ZNF85: variants seen among roughly 807,000 people sequenced by gnomAD.
The protein encoded by ZNF85 is zinc finger protein 85 (HPF4, HTF1).
Under a neutral mutation model 53.9 loss-of-function variants are expected in ZNF85, and 50 were observed. The observed-to-expected ratio is 0.93, with a 90% confidence interval of 0.74 to 1.17. ZNF85 has a LOEUF of 1.17. Among genes scored for constraint, ZNF85 ranks in the 50% most tolerant of loss-of-function variants. The pLI, the probability that ZNF85 is intolerant of heterozygous loss-of-function variation, is 0.00. For synonymous variants in ZNF85, 225 were observed against 226.1 expected, an observed-to-expected ratio of 1.00 and a Z score of 0.04; for missense variants, 747 against 688.5, an observed-to-expected ratio of 1.08 and a Z score of -0.95.
intron 1 of ZNF85, among the ~76,000 whole-genome samples, chr19:20,925,106 T>G (rs1010683803): frequency 9.2e-5 from 14 of 152,202 alleles, no homozygotes; most frequent in African/African-American, 2.7e-4. Context: ...ACCCAGGGTC[T>G]GAGTGCAGTC....
At position 20,949,366 on chromosome 19, in the gene ZNF85, A is replaced by G. The variant is rs771839532; in HGVS notation, c.852A>G (p.Lys284=). Residue 284 remains lysine, a synonymous_variant, in exon 4 of 4, where the codon AAA becomes AAG. Coordinates refer to ENST00000328178, the MANE Select transcript of ZNF85 (RefSeq NM_003429.5). ...TTHKIIHTGE[K]PYKCKECGKA... ...ATAAGATAATTCATACTGGAGAGAA[A>G]CCCTACAAATGTAAAGAATGTGGTA... 1.9e-5 allele frequency: 31 copies of G among 1,609,480 alleles called. No homozygotes were observed. In the Admixed American group the frequency reaches 2.5e-4, roughly 13 times the overall value.
intron 3 of ZNF85, chr19:20,943,311 C>G (rs1973342929): frequency 6.5e-6 from 1 of 154,690 alleles, no homozygotes; most frequent in Non-Finnish European, 1.4e-5. Flanking sequence ...GGGCAAATTT[C>G]TCATGAATGG....
At chr19:20,933,894 C>G in intron 1 of ZNF85, 130 bp from the exon 2 acceptor site, 1 of 1,012,678 alleles carries the variant, frequency 9.9e-7, no homozygotes, top group East Asian at 2.9e-5. Flanking sequence ...GAAACAGTTA[C>G]CTGTACTCTC....
chr19:20,933,414 T>C (rs1973075150), intron 1 of ZNF85, among the ~76,000 whole-genome samples: 1 of 151,780 alleles, frequency 6.6e-6, no homozygotes, highest in Admixed American at 6.6e-5. Flanking sequence ...AAGTCAAAGC[T>C]CTTATCTTTG....
chr19:20,933,029 C>CAA (rs59744700), intron 1 of ZNF85, among the ~76,000 whole-genome samples: 16,411 of 138,494 alleles, frequency 0.12, 931 homozygotes, highest in Middle Eastern at 0.14. Flanking sequence ...ACTAAAAATA[C>CAA]AAAAAAAAAA....
At chr19:20,932,795 C>G (rs1184299149) in intron 1 of ZNF85, among the ~76,000 whole-genome samples, 1 of 152,054 alleles carries the variant, frequency 6.6e-6, no homozygotes, top group Non-Finnish European at 1.5e-5. Context: ...CTGAACTTTG[C>G]ATAAAACTGA....
intron 1 of ZNF85, 86 bp downstream of exon 1, chr19:20,923,489 C>T: frequency 6.3e-7 from 1 of 1,599,790 alleles, no homozygotes; most frequent in Non-Finnish European, 8.5e-7. Flanking sequence ...TCAGGCCTCC[C>T]TGTAGTCAGC....
chr19:20,949,259 A>C lies in ZNF85; in HGVS notation c.745A>C (p.Lys249Gln), dbSNP rs748936525. The C allele has an allele frequency of 1.6e-5, 26 of 1,612,824 alleles. No homozygotes were observed. Among genetic ancestry groups the C allele is most frequent in the Non-Finnish European group, 2.2e-5 (26 of 1,179,568 alleles). The change falls in exon 4 of 4, where the codon AAG becomes CAG. Residue 249 changes from lysine to glutamine, a missense_variant. Lys to Gln is a moderately conservative substitution (Grantham distance 53, BLOSUM62 1). Coordinates refer to ENST00000328178, the MANE Select transcript of ZNF85 (RefSeq NM_003429.5). ...CCAGTCCTCAAACCTTATTAAACAT[A>C]AGAAAATTCATACTGGAGAGAAACC... ...FNQSSNLIKH[K>Q]KIHTGEKPYK...
chr19:20,950,609 C>T lies in ZNF85; in HGVS notation c.*307C>T, dbSNP rs764955272. ...GAATTTTTAGTTGAGAAAAAGTATA[C>T]AAATATAAAGAATGTGGAAAAGCCG... On this transcript the variant is annotated 3_prime_UTR_variant, in exon 4 of 4. Coordinates refer to ENST00000328178, the MANE Select transcript of ZNF85 (RefSeq NM_003429.5). 1.0e-4 allele frequency: 23 copies of T among 228,810 alleles called. No homozygotes were observed. The highest frequency in any genetic ancestry group is 1.8e-4 in the Non-Finnish European group (21 of 118,806). The allele number at this position is 228,810 out of a possible 1,614,324, so 14.2% of individuals were successfully genotyped here. A position where few individuals can be genotyped will look rare whatever the true frequency, so the allele number is the denominator to read the frequency against.
rs772921814 is a variant in ZNF85 at position 20,949,372 on chromosome 19, C to A, written c.858C>A (p.Tyr286Ter). ...TAATTCATACTGGAGAGAAACCCTACAAATGTAAAGAATGTGGTAAAGCTT... is the reference window on the plus strand; with the variant it reads ...TAATTCATACTGGAGAGAAACCCTAAAAATGTAAAGAATGTGGTAAAGCTT... The part of the protein sequence containing the change: ...HKIIHTGEKP[Y>*]KCKECGKAFN... The change falls in exon 4 of 4, where the codon TAC becomes TAA. Residue 286 changes from tyrosine (Y) to a stop codon, truncating the protein, a stop_gained. Coordinates refer to ENST00000328178, the MANE Select transcript of ZNF85 (RefSeq NM_003429.5). LOFTEE classifies it high-confidence loss of function. The A allele has an allele frequency of 6.0e-5, 97 of 1,609,484 alleles. No individual in the cohort carries two copies. In the Middle Eastern group the frequency reaches 4.5e-3, roughly 74 times the overall value.
chr19:20,933,195 A>C (rs1973068553), intron 1 of ZNF85, among the ~76,000 whole-genome samples: 1 of 133,312 alleles, frequency 7.5e-6, no homozygotes, highest in Non-Finnish European at 1.6e-5. Flanking sequence ...TCCGTCTCAA[A>C]AAAAAAAAAA....
chr19:20,941,674 C>T (rs981460058), intron 3 of ZNF85, among the ~76,000 whole-genome samples: 1 of 151,494 alleles, frequency 6.6e-6, no homozygotes, highest in Admixed American at 6.6e-5. Context: ...TTAAGTTTTA[C>T]AAGTTGTTTA....
At chr19:20,928,557 CA>C (rs779091093) in intron 1 of ZNF85, 1 of 152,516 alleles carries the variant, frequency 6.6e-6, no homozygotes, top group Non-Finnish European at 1.5e-5. Context: ...ACACACTAGA[CA>C]TTGACGTGTC....
In ZNF85 at chr19:20,937,007, GT is replaced by G. The variant is rs201693395; in HGVS notation, c.229+1967del. The G allele has an allele frequency of 9.9e-3, 1,865 of 188,836 alleles. 37 individuals carry two copies. Among genetic ancestry groups the G allele is most frequent in the African/African-American group, 0.034 (1,422 of 42,154 alleles). The allele number at this position is 188,836 out of a possible 1,614,324, so 11.7% of individuals were successfully genotyped here. ...GCAAACAGCTCTTCAAGTTTTTGGG[GT>G]TTTTTTGTTTGTTTTGTTTTTTGGG... On this transcript the variant is annotated intron_variant, in intron 3 of 3. Transcript: ENST00000328178.
chr19:20,934,734 G>A (rs141070818), intron 2 of ZNF85, among the ~76,000 whole-genome samples: 2,025 of 143,784 alleles, frequency 0.014, 38 homozygotes, highest in African/African-American at 0.043. Flanking sequence ...CTGAGATCAC[G>A]CCATTGCACT....
intron 3 of ZNF85, among the ~76,000 whole-genome samples, chr19:20,935,557 T>C (rs1049270373): frequency 6.6e-6 from 1 of 152,234 alleles, no homozygotes; most frequent in African/African-American, 2.4e-5. Flanking sequence ...CCCTATGCTT[T>C]GTTCTTTTAC....
At chr19:20,926,886 G>A (rs920091366) in intron 1 of ZNF85, 11 of 152,290 alleles carry the variant, frequency 7.2e-5, no homozygotes, top group African/African-American at 2.6e-4. Flanking sequence ...ATTGCAACAG[G>A]AGGAAGTACC....
Position 20,949,787 on chromosome 19 carries a change from C to A in ZNF85, c.1273C>A (p.Pro425Thr). Reference sequence around the variant, plus strand: ...TAAGATAATTCATACTGGAGAGAAGCCTTACAAATGTAAAGAATGTGAAAA... The same window carrying A: ...TAAGATAATTCATACTGGAGAGAAGACTTACAAATGTAAAGAATGTGAAAA... ...KHKIIHTGEK[P>T]YKCKECEKAF... Residue 425 changes from proline (P) to threonine (T), a missense_variant, in exon 4 of 4, where the codon CCT becomes ACT. By Grantham distance (38) the Pro-to-Thr change is conservative (BLOSUM62 -1). Transcript: ENST00000328178. 2 of 1,611,730 alleles carry A rather than the reference C, an allele frequency of 1.2e-6. No homozygotes were observed. Among genetic ancestry groups the A allele is most frequent in the Non-Finnish European group, 1.7e-6 (2 of 1,178,902 alleles).
chr19:20,950,181 A>G lies in ZNF85; in HGVS notation c.1667A>G (p.His556Arg), dbSNP rs766449171. ...AFNQSSNLTK[H>R]KRIHTGEKPY... ...AACCAGTCCTCAAACCTTACTAAAC[A>G]TAAGAGAATTCATACTGGAGAAAAA... is the stretch of plus-strand genomic sequence containing the variant. The change falls in exon 4 of 4, where the codon CAT becomes CGT. Residue 556 changes from histidine to arginine, a missense_variant. By Grantham distance (29) the His-to-Arg change is conservative. Coordinates refer to ENST00000328178, the MANE Select transcript of ZNF85 (RefSeq NM_003429.5). 3 of 1,613,282 alleles carry G rather than the reference A, an allele frequency of 1.9e-6. No homozygotes were observed. The highest frequency in any genetic ancestry group is 1.7e-4 in the Middle Eastern group (1 of 6,050).
Sources: allele counts gnomAD v4.1 joint callset (sites outside exome capture counted in the v4.1 genomes callset), GRCh38; gene constraint gnomAD v4.1.1; transcripts MANE v1.5; gene names NCBI Gene and HGNC (gene_info 2026-07-23, HGNC 2026-07-21).